Variants in ADAP1 observed in about 807,000 individuals in gnomAD.
The protein encoded by ADAP1 is arf-GAP with dual PH domain-containing protein 1.
Under a neutral mutation model 54.9 loss-of-function variants are expected in ADAP1, and 31 were observed. The observed-to-expected ratio is 0.56, with a 90% CI of 0.42 to 0.76. The LOEUF (loss-of-function observed/expected upper bound fraction) is 0.76, where lower values mean the gene tolerates loss of function less well. Among genes scored for constraint, ADAP1 ranks in the 30% least tolerant of loss-of-function variants. ADAP1 has a pLI of 0.00. For synonymous variants in ADAP1, 313 were observed against 202.6 expected (o/e 1.55, Z -4.63); for missense variants, 535 against 512.4 (o/e 1.04, Z -0.42).
chr7:903,556 C>T (rs1396966663), intron 6 of ADAP1, among the ~76,000 whole-genome samples: 1 of 152,166 alleles, frequency 6.6e-6, no homozygotes, highest in Admixed American at 6.5e-5. Flanking sequence ...AGGCTGGGCC[C>T]ACCGCTGCGC....
At position 905,910 on chromosome 7, in the gene ADAP1, G is replaced by GGA. The variant is rs1554271975; in HGVS notation, c.389-740_389-739dup. Among the ~76,000 whole-genome samples, 6 of 9,926 alleles carry GGA rather than the reference G, an allele frequency of 6.0e-4. 3 individuals carry two copies. Among genetic ancestry groups the GGA allele is most frequent in the South Asian group, 0.015 (2 of 136 alleles). 6.5% of individuals were successfully genotyped at this position (9,926 alleles called of 152,430 possible). On this transcript the variant is annotated intron_variant, in intron 4 of 10. Coordinates refer to ENST00000265846, the MANE Select transcript of ADAP1 (RefSeq NM_006869.4). ...AAAGGAGAAAGGAGAAAGGAGAAAG[G>GGA]GAAAGGAGAAAGGGAGAAAGGAGAA...
At position 938,282 on chromosome 7, in the gene ADAP1, G is replaced by C. The variant is rs1846839890; in HGVS notation, c.83-2777C>G. 6.6e-6 allele frequency among the ~76,000 whole-genome samples: 1 copy of C among 152,154 alleles called. No individual in the cohort carries two copies. The highest frequency in any genetic ancestry group is 1.5e-5 in the Non-Finnish European group (1 of 68,022). On this transcript the variant is annotated intron_variant, in intron 1 of 10. Coordinates refer to ENST00000265846, the MANE Select transcript of ADAP1 (RefSeq NM_006869.4). The surrounding 1 kb of genome is among the most constrained non-coding windows in gnomAD (Gnocchi z 4.4). Reference sequence around the variant, plus strand: ...TGCAGCCTCCAACGCCTGGGCTCAAGCGATCCTCCTGCCTCAGCCTTCCAA... The same window carrying C: ...TGCAGCCTCCAACGCCTGGGCTCAACCGATCCTCCTGCCTCAGCCTTCCAA...
rs770564311 is a variant in ADAP1 at position 904,146 on chromosome 7, T to C, written c.628A>G (p.Ile210Val). The stretch of plus-strand genomic sequence containing the variant: ...CCCACCTTCCCGTCCTCATGGTAGA[T>C]GAAGATGTTACGGGTGCTGTTGTCC... ...LKDNSTRNIF[I>V]YHEDGKEIVD... The change falls in exon 6 of 11, where the codon ATC becomes GTC. Residue 210 changes from isoleucine (I) to valine (V), a missense_variant. Physicochemically the swap from Ile to Val is conservative, Grantham distance 29. Coordinates refer to ENST00000265846, the MANE Select transcript of ADAP1 (RefSeq NM_006869.4). The C allele has an allele frequency of 4.3e-6, 7 of 1,612,444 alleles. No homozygotes were observed. Among genetic ancestry groups the C allele is most frequent in the South Asian group, 1.1e-5 (1 of 91,074 alleles).
rs911010890 is a variant in ADAP1 at position 920,991 on chromosome 7, T to C, written c.306-941A>G. 9.0e-6 allele frequency: 8 copies of C among 887,902 alleles called. No homozygotes were observed. The highest frequency in any genetic ancestry group is 6.9e-5 in the Admixed American group (3 of 43,374). 55.0% of individuals were successfully genotyped at this position (887,902 alleles called of 1,614,324 possible). On this transcript the variant is annotated intron_variant, in intron 3 of 10. Transcript: ENST00000265846. The surrounding 1 kb of genome is among the most constrained non-coding windows in gnomAD (Gnocchi z 4.5). ...CTCGCCCACAGGATCTGATGGGTGA[T>C]GGGTCCCAGCTGGGTCTCTGGCCCC...
chr7:904,893 C>T (rs948718557), intron 5 of ADAP1, among the ~76,000 whole-genome samples, 167 bp downstream of exon 5: 2 of 152,228 alleles, frequency 1.3e-5, no homozygotes, highest in Non-Finnish European at 2.9e-5. Context: ...CTGGGTCCGG[C>T]ACACAGAGGC....
chr7:904,955 C>T (rs1297498408), intron 5 of ADAP1, 105 bp downstream of exon 5: 8 of 972,508 alleles, frequency 8.2e-6, no homozygotes, highest in South Asian at 2.7e-5. Flanking sequence ...GGGGGGGCAG[C>T]AGGGAGGGCA....
At chr7:933,605 C>G (rs1268963802) in intron 2 of ADAP1, among the ~76,000 whole-genome samples, 10 of 55,206 alleles carry the variant, frequency 1.8e-4, no homozygotes, top group Non-Finnish European at 2.2e-4. Flanking sequence ...GTCAGTGGTG[C>G]TGGAGAGCCG....
chr7:913,254 T>C (rs574411084), intron 4 of ADAP1, among the ~76,000 whole-genome samples: 5 of 144,142 alleles, frequency 3.5e-5, no homozygotes, highest in African/African-American at 1.3e-4. Flanking sequence ...AGGCTGGAGT[T>C]TAGTGGCGTG....
intron 6 of ADAP1, chr7:903,907 G>T: frequency 3.6e-6 from 2 of 553,526 alleles, no homozygotes; most frequent in Non-Finnish European, 6.1e-6. Flanking sequence ...CTGCCTTCCT[G>T]CACCTGTCTT....
chr7:937,151 G>GCCTCTGGGATTTGGGGGTCACGGCCGA (rs1846790533), intron 1 of ADAP1, among the ~76,000 whole-genome samples: 1 of 62,174 alleles, frequency 1.6e-5, no homozygotes, highest in African/African-American at 5.9e-5. Flanking sequence ...GTCACGCCCG[G>GCCTCTGGGATTTGGGGGTCACGGCCGA]CCTCTGGGAT....
intron 5 of ADAP1, 21 bp downstream of exon 5, chr7:905,039 C>A (rs377395105): frequency 6.2e-7 from 1 of 1,601,140 alleles, no homozygotes; most frequent in Non-Finnish European, 8.5e-7. Flanking sequence ...GGCCCCCACC[C>A]CACCCCCGTC....
At position 920,137 on chromosome 7, in the gene ADAP1, T is replaced by A; in HGVS notation, c.306-87A>T. The A allele has an allele frequency of 8.0e-7, 1 of 1,256,554 alleles. No homozygotes were observed. The allele number at this position is 1,256,554 out of a possible 1,614,324, so 77.8% of individuals were successfully genotyped here. A position where few individuals can be genotyped will look rare whatever the true frequency, so the allele number is the denominator to read the frequency against. ...CTCTCTGGCCCGGACCCTGGACATC[T>A]CAAGAGGCTCATAGGGACCCCCGGC... is the stretch of plus-strand genomic sequence containing the variant. On this transcript the variant is annotated intron_variant, in intron 3 of 10. Transcript: ENST00000265846. The surrounding 1 kb of genome is among the most constrained non-coding windows in gnomAD (Gnocchi z 4.5).
chr7:954,588 G>A lies in ADAP1; in HGVS notation c.-111C>T. On this transcript the variant is annotated 5_prime_UTR_variant, in exon 1 of 11. Coordinates refer to ENST00000265846, the MANE Select transcript of ADAP1 (RefSeq NM_006869.4). ...CCGCCGCCGCCCCTGCGCCATCCCG[G>A]GCGGCCTCAGCCCGCGCGCCGGTTC... 2.0e-6 allele frequency: 2 copies of A among 985,002 alleles called. No homozygotes were observed. The highest frequency in any genetic ancestry group is 2.4e-6 in the Non-Finnish European group (2 of 831,158). 61.0% of individuals were successfully genotyped at this position (985,002 alleles called of 1,614,324 possible).
intron 1 of ADAP1, among the ~76,000 whole-genome samples, chr7:950,872 AAAAAAAC>A (rs950557474): frequency 6.6e-6 from 1 of 151,140 alleles, no homozygotes; most frequent in African/African-American, 2.4e-5. Context: ...AAAAAAAAAA[AAAAAAAC>A]AAGAAAAGAA....
rs200103234 is a variant in ADAP1 at position 940,317 on chromosome 7, G to A, written c.83-4812C>T. Reference sequence around the variant, plus strand: ...GGCACGACTACACTCCAGCCTGGGTGTCACAGACCCTGTCACACACACACA... The same window carrying A: ...GGCACGACTACACTCCAGCCTGGGTATCACAGACCCTGTCACACACACACA... On this transcript the variant is annotated intron_variant, in intron 1 of 10. Transcript: ENST00000265846. Among the ~76,000 whole-genome samples the A allele has an allele frequency of 5.6e-5, 8 of 142,142 alleles. No individual in the cohort carries two copies. The East Asian group carries it at 1.7e-3, about 29-fold the overall frequency. 93.3% of individuals were successfully genotyped at this position (142,142 alleles called of 152,430 possible).
At chr7:905,616 A>AGAAAGG (rs1562912429) in intron 4 of ADAP1, 1 of 108,844 alleles carries the variant, frequency 9.2e-6, no homozygotes, top group African/African-American at 5.0e-5. Flanking sequence ...AGGAGAAAGG[A>AGAAAGG]GAAAGGGAAA....
rs199900149 is a variant in ADAP1 at position 900,620 on chromosome 7, G to GGGGCAAAGGC, written c.649-5_649-4insGCCTTTGCCC. ...CATTGAACCAGTCCACAATCTCCTA[G>GGGGCAAAGGC]GGGCAAAGGTGGGCACAGGCTTGGG... On this transcript the variant is annotated splice_polypyrimidine_tract_variant and splice_region_variant and intron_variant, in intron 6 of 10. Transcript: ENST00000265846. 0.094 allele frequency: 142,025 copies of GGGGCAAAGGC among 1,515,392 alleles called. 7,084 individuals carry two copies. Among genetic ancestry groups the GGGGCAAAGGC allele is most frequent in the African/African-American group, 0.23 (14,579 of 62,914 alleles). The allele number at this position is 1,515,392 out of a possible 1,614,324, so 93.9% of individuals were successfully genotyped here. A position where few individuals can be genotyped will look rare whatever the true frequency, so the allele number is the denominator to read the frequency against.
intron 1 of ADAP1, among the ~76,000 whole-genome samples, chr7:941,316 AG>A (rs1291612215): frequency 6.6e-6 from 1 of 152,242 alleles, no homozygotes; most frequent in African/African-American, 2.4e-5. Context: ...CAGTGCAATA[AG>A]GCAATATAAA....
At chr7:949,543 G>A (rs1254980870) in intron 1 of ADAP1, among the ~76,000 whole-genome samples, 1 of 152,242 alleles carries the variant, frequency 6.6e-6, no homozygotes, top group African/African-American at 2.4e-5. Flanking sequence ...CAGAGCTGAG[G>A]TCTAGCTCAC....
Sources: allele counts gnomAD v4.1 joint callset (sites outside exome capture counted in the v4.1 genomes callset), GRCh38; gene constraint gnomAD v4.1.1; non-coding constraint Gnocchi (gnomAD v3.1); transcripts MANE v1.5; gene names NCBI Gene and HGNC (gene_info 2026-07-23, HGNC 2026-07-21).